Variants in SPAG9 observed in about 807,000 individuals in gnomAD.
SPAG9 encodes C-Jun-amino-terminal kinase-interacting protein 4.
A neutral mutation model predicts 166.5 loss-of-function variants in SPAG9; 35 were observed. That is an observed-to-expected ratio of 0.21 (90% CI 0.16 to 0.28). The LOEUF is 0.28. Ranked by LOEUF, SPAG9 falls within the 10% of genes least tolerant of loss-of-function variation. The pLI is 1.00. For missense variants in SPAG9, 1,235 were observed against 1,603.3 expected (o/e 0.77, Z 3.92); for synonymous variants, 534 against 565.5 (o/e 0.94, Z 0.79).
intron 3 of SPAG9, among the ~76,000 whole-genome samples, chr17:51,053,881 A>G (rs1403768698): frequency 9.1e-6 from 1 of 109,478 alleles, no homozygotes; most frequent in Admixed American, 8.7e-5. Context: ...ATATATATAT[A>G]TATATATATA....
intron 3 of SPAG9, among the ~76,000 whole-genome samples, chr17:51,053,855 GTATATA>G (rs1161592026): frequency 0.014 from 535 of 37,648 alleles, 20 homozygotes; most frequent in Middle Eastern, 0.062. Context: ...AAAAAAAAAA[GTATATA>G]TATATATATA....
intron 1 of SPAG9, among the ~76,000 whole-genome samples, chr17:51,099,759 TAAAAAAAAAAAA>T (rs58721041): frequency 2.7e-4 from 12 of 43,654 alleles, no homozygotes; most frequent in East Asian, 2.6e-3. Flanking sequence ...CTTCTATTAC[TAAAAAAAAAAAA>T]AAAAAAAAAA....
intron 10 of SPAG9, among the ~76,000 whole-genome samples, chr17:51,006,471 A>G (rs983404232): frequency 6.6e-6 from 1 of 150,550 alleles, no homozygotes; most frequent in Non-Finnish European, 1.5e-5. Context: ...CTAAAAAGTG[A>G]GAAGATTAAA....
At chr17:51,034,069 A>G (rs995553897) in intron 5 of SPAG9, among the ~76,000 whole-genome samples, 1 of 152,238 alleles carries the variant, frequency 6.6e-6, no homozygotes, top group African/African-American at 2.4e-5. Context: ...ACAGTCACCT[A>G]TAGGTGGTTC....
chr17:51,077,106 C>A (rs1369940636), intron 2 of SPAG9, among the ~76,000 whole-genome samples: 2 of 130,636 alleles, frequency 1.5e-5, no homozygotes, highest in East Asian at 2.2e-4. Context: ...ATCTAGCTAG[C>A]TATCTAGCTA....
rs758599822 is a variant in SPAG9, at chr17:50,982,609, C to T, written c.3152G>A (p.Arg1051His). 19 of 1,613,760 alleles carry T rather than the reference C, an allele frequency of 1.2e-5. No individual in the cohort carries two copies. The highest frequency in any genetic ancestry group is 1.2e-4 in the Admixed American group (7 of 59,958). ...LDLGRPHHSI[R>H]CMTVVHDKVW... is the part of the protein sequence containing the mutation. ...TTTGTCATGTACCACAGTCATGCAA[C>T]GGATGGAATGATGAGGCCGTCCAAG... The change falls in exon 25 of 30, where the codon CGT becomes CAT. Residue 1051 changes from arginine to histidine, a missense_variant. Physicochemically the swap from Arg to His is conservative, Grantham distance 29. Coordinates refer to ENST00000262013, the MANE Select transcript of SPAG9 (RefSeq NM_001130528.3).
Position 51,105,651 on chromosome 17 carries a change from C to T in SPAG9, c.303+14703G>A, listed in dbSNP as rs186303225. Reference sequence around the variant, plus strand: ...TTTGGGAGGCGAGGTGGGCAGATCACGAGGTCAGGAGATCGAGGCCATCCT... The same window carrying T: ...TTTGGGAGGCGAGGTGGGCAGATCATGAGGTCAGGAGATCGAGGCCATCCT... On this transcript the variant is annotated intron_variant, in intron 1 of 29. Coordinates refer to ENST00000262013, the MANE Select transcript of SPAG9 (RefSeq NM_001130528.3). Among the ~76,000 whole-genome samples, 191 of 151,292 alleles carry T rather than the reference C, an allele frequency of 1.3e-3. 4 individuals carry two copies. Among genetic ancestry groups the T allele is most frequent in the East Asian group, 8.9e-3 (45 of 5,032 alleles).
chr17:51,046,168 T>C (rs2047013311), intron 4 of SPAG9, among the ~76,000 whole-genome samples: 1 of 152,200 alleles, frequency 6.6e-6, no homozygotes, highest in Non-Finnish European at 1.5e-5. Flanking sequence ...GCTCAGAAGC[T>C]AAATGCAGAG....
chr17:51,095,857 G>GAT (rs1315612975), intron 1 of SPAG9, among the ~76,000 whole-genome samples: 11 of 142,782 alleles, frequency 7.7e-5, no homozygotes, highest in East Asian at 6.1e-4. Flanking sequence ...TATATATAGT[G>GAT]ATATATATAT....
In SPAG9 at chr17:50,995,659, G is replaced by C. The variant is rs185330150; in HGVS notation, c.1969-126C>G. 21 of 668,664 alleles carry C rather than the reference G, an allele frequency of 3.1e-5. No individual in the cohort carries two copies. The South Asian group carries it at 3.5e-4, about 11-fold the overall frequency. The allele number at this position is 668,664 out of a possible 1,614,324, so 41.4% of individuals were successfully genotyped here. ...ATTTACTCCTTGAAATCAAGTTCAGGTTTTTTGTTTTTTTGTTTTTTTGAG... is the reference window on the plus strand; with the variant it reads ...ATTTACTCCTTGAAATCAAGTTCAGCTTTTTTGTTTTTTTGTTTTTTTGAG... On this transcript the variant is annotated intron_variant, in intron 16 of 29. Transcript: ENST00000262013.
intron 8 of SPAG9, among the ~76,000 whole-genome samples, chr17:51,015,406 T>C (rs35027266): frequency 0.11 from 16,232 of 152,172 alleles, 1,146 homozygotes; most frequent in Non-Finnish European, 0.16. Context: ...CTCCCTTCTC[T>C]TGGCACAGCT....
intron 1 of SPAG9, among the ~76,000 whole-genome samples, chr17:51,089,704 C>G (rs2048414557): frequency 7.3e-6 from 1 of 136,250 alleles, no homozygotes; most frequent in Admixed American, 7.8e-5. Context: ...GATATGGAGT[C>G]TCGCTCTGTG....
At chr17:51,031,487 G>T in intron 6 of SPAG9, 194 bp downstream of exon 6, 1 of 564,896 alleles carries the variant, frequency 1.8e-6, no homozygotes, top group Non-Finnish European at 3.2e-6. Context: ...TTTGGGGAAG[G>T]AATAAATTAC....
intron 1 of SPAG9, among the ~76,000 whole-genome samples, chr17:51,117,708 C>CAAAAAAAAAAAA (rs397856959): frequency 4.8e-5 from 2 of 41,726 alleles, no homozygotes; most frequent in Non-Finnish European, 3.9e-5. Context: ...GACTCCGTCT[C>CAAAAAAAAAAAA]AAAAAAAAAA....
At chr17:51,081,276 T>C (rs1055174974) in intron 1 of SPAG9, among the ~76,000 whole-genome samples, 7 of 151,800 alleles carry the variant, frequency 4.6e-5, no homozygotes, top group African/African-American at 1.7e-4. Context: ...CATGGTGAAA[T>C]TCGGTCTCTA....
intron 1 of SPAG9, among the ~76,000 whole-genome samples, chr17:51,089,661 T>TATATATATATATATAC (rs1426675943): frequency 1.9e-4 from 19 of 97,866 alleles, no homozygotes; most frequent in African/African-American, 6.1e-4. Flanking sequence ...TATATATATA[T>TATATATATATATATAC]ATACACATAC....
At chr17:51,113,658 T>C (rs1055083181) in intron 1 of SPAG9, among the ~76,000 whole-genome samples, 7 of 133,956 alleles carry the variant, frequency 5.2e-5, no homozygotes, top group African/African-American at 2.0e-4. Flanking sequence ...CCAGCATGGG[T>C]GGCAAAGCAA....
chr17:51,084,204 T>C (rs1354988177), intron 1 of SPAG9: 1 of 152,008 alleles, frequency 6.6e-6, no homozygotes, highest in African/African-American at 2.4e-5. Context: ...TGCAAGCAGA[T>C]GATGTAAGGT....
At chr17:51,074,328 G>A (rs1422933625) in intron 2 of SPAG9, among the ~76,000 whole-genome samples, 2 of 152,238 alleles carry the variant, frequency 1.3e-5, no homozygotes, top group African/African-American at 4.8e-5. Flanking sequence ...GGGAGGCTGA[G>A]GCAGGAGAAT....
Sources: allele counts gnomAD v4.1 joint callset (sites outside exome capture counted in the v4.1 genomes callset), GRCh38; gene constraint gnomAD v4.1.1; transcripts MANE v1.5; gene names NCBI Gene and HGNC (gene_info 2026-07-23, HGNC 2026-07-21).